Variants in FLT3 observed in about 807,000 individuals in gnomAD.
The protein encoded by FLT3 is receptor-type tyrosine-protein kinase FLT3.
A neutral mutation model predicts 126.6 loss-of-function variants in FLT3; 46 were observed. The observed-to-expected ratio is 0.36, with a 90% CI of 0.29 to 0.46. The LOEUF is 0.46. Ranked by LOEUF, FLT3 falls within the 20% of genes least tolerant of loss-of-function variation. FLT3 has a pLI of 1.00. For missense variants in FLT3, 1,069 were observed against 1,190.3 expected, an observed-to-expected ratio of 0.90 and a Z score of 1.50; for synonymous variants, 404 against 434.4, an observed-to-expected ratio of 0.93 and a Z score of 0.87.
chr13:28,060,918 A>G (rs974013450), intron 3 of FLT3, among the ~76,000 whole-genome samples: 10 of 151,866 alleles, frequency 6.6e-5, no homozygotes, highest in South Asian at 2.1e-4. Flanking sequence ...TTTACTTTTT[A>G]GAGAGTTTTA....
Position 28,070,669 on chromosome 13 carries a change from A to G in FLT3, c.44-57T>C, listed in dbSNP as rs138426807. 1,245 of 1,364,838 alleles carry G rather than the reference A, an allele frequency of 9.1e-4. 10 individuals carry two copies. In the African/African-American group the frequency reaches 0.016, roughly 18 times the overall value. The allele number at this position is 1,364,838 out of a possible 1,614,324, so 84.5% of individuals were successfully genotyped here. On this transcript the variant is annotated intron_variant, in intron 1 of 23. Coordinates refer to ENST00000241453, the MANE Select transcript of FLT3 (RefSeq NM_004119.3). ...TACATGCACACCTTAAAAAGAAAAC[A>G]TGCATTTATCTTGCAACCAAACAAC...
chr13:28,077,097 A>AAGAAAG (rs34410286), intron 1 of FLT3, among the ~76,000 whole-genome samples: 28 of 150,182 alleles, frequency 1.9e-4, no homozygotes, highest in African/African-American at 5.4e-4. Flanking sequence ...GAAAAAGAGA[A>AAGAAAG]AAAGAAAGAG....
At chr13:28,008,275 C>CAA (rs11409962) in intron 23 of FLT3, among the ~76,000 whole-genome samples, 8,548 of 84,314 alleles carry the variant, frequency 0.1, 448 homozygotes, top group Non-Finnish European at 0.13. Flanking sequence ...GAACCTGTCT[C>CAA]AAAAAAAAAA....
At chr13:28,063,585 G>GCATGCAAA (rs1265575140) in intron 2 of FLT3, among the ~76,000 whole-genome samples, 1 of 152,186 alleles carries the variant, frequency 6.6e-6, no homozygotes, top group Non-Finnish European at 1.5e-5. Flanking sequence ...GCTGAACACA[G>GCATGCAAA]CATGCACACA....
chr13:28,085,140 C>G (rs549472703), intron 1 of FLT3, among the ~76,000 whole-genome samples: 2 of 151,472 alleles, frequency 1.3e-5, no homozygotes, highest in East Asian at 3.9e-4. Flanking sequence ...GAAAGGAGTT[C>G]AAGACCAGCC....
At chr13:28,034,043 AG>A (rs1873601993) in intron 14 of FLT3, 38 bp downstream of exon 14, 1 of 1,613,354 alleles carries the variant, frequency 6.2e-7, no homozygotes, top group African/African-American at 1.3e-5. Context: ...CCAATGGAAA[AG>A]AAATGCTGCA....
chr13:28,055,133 G>T (rs1230521115), intron 4 of FLT3, among the ~76,000 whole-genome samples: 1 of 152,018 alleles, frequency 6.6e-6, no homozygotes, highest in African/African-American at 2.4e-5. Flanking sequence ...CTTTTTTAAA[G>T]TCTAGCTTTG....
chr13:28,079,706 C>A (rs1337429901), intron 1 of FLT3, among the ~76,000 whole-genome samples: 1 of 152,086 alleles, frequency 6.6e-6, no homozygotes, highest in Non-Finnish European at 1.5e-5. Flanking sequence ...CTGATAAACC[C>A]ATCAGATCTT....
intron 4 of FLT3, among the ~76,000 whole-genome samples, chr13:28,056,868 A>G (rs1243579606): frequency 6.6e-6 from 1 of 152,232 alleles, no homozygotes; most frequent in Non-Finnish European, 1.5e-5. Flanking sequence ...GAAAGAACAG[A>G]CAAGATCATT....
intron 1 of FLT3, among the ~76,000 whole-genome samples, chr13:28,080,932 T>C (rs1878265319): frequency 1.3e-5 from 2 of 152,188 alleles, no homozygotes; most frequent in Admixed American, 6.5e-5. Context: ...CAAAAATAAA[T>C]TGACCATATA....
At chr13:28,081,109 G>T (rs1878273979) in intron 1 of FLT3, among the ~76,000 whole-genome samples, 1 of 151,960 alleles carries the variant, frequency 6.6e-6, no homozygotes, top group Non-Finnish European at 1.5e-5. Context: ...GGATATTCTA[G>T]TTCTCTTGCA....
intron 1 of FLT3, among the ~76,000 whole-genome samples, chr13:28,098,314 C>CAAAAAAA (rs55675449): frequency 1.2e-5 from 1 of 85,294 alleles, no homozygotes; most frequent in African/African-American, 3.9e-5. Context: ...GACTCCGTCT[C>CAAAAAAA]AAAAAAAAAA....
chr13:28,072,959 C>T (rs149436982), intron 1 of FLT3, among the ~76,000 whole-genome samples: 26,758 of 151,594 alleles, frequency 0.18, 2,424 homozygotes, highest in Middle Eastern at 0.26. Context: ...GAGCCAAGAT[C>T]GTGCCACTGC....
intron 1 of FLT3, among the ~76,000 whole-genome samples, chr13:28,096,921 C>T (rs1879490454): frequency 6.6e-6 from 1 of 152,090 alleles, no homozygotes; most frequent in Non-Finnish European, 1.5e-5. Flanking sequence ...ACTGCTTGTG[C>T]CTAGCAAGAA....
At chr13:28,031,422 G>A (rs552972839) in intron 15 of FLT3, among the ~76,000 whole-genome samples, 3 of 152,224 alleles carry the variant, frequency 2.0e-5, no homozygotes, top group East Asian at 3.9e-4. Flanking sequence ...TTGTGAAAGA[G>A]TGGGCAAAGG....
At chr13:28,008,016 A>T (rs1228509106) in intron 23 of FLT3, among the ~76,000 whole-genome samples, 1 of 150,410 alleles carries the variant, frequency 6.6e-6, no homozygotes, top group East Asian at 1.9e-4. Flanking sequence ...CTTCTTCTTT[A>T]TTGTTGTTTG....
intron 17 of FLT3, among the ~76,000 whole-genome samples, chr13:28,026,645 G>A (rs1872830419): frequency 6.6e-6 from 1 of 152,122 alleles, no homozygotes; most frequent in African/African-American, 2.4e-5. Flanking sequence ...ATCACGTGTC[G>A]ATCAATCCAT....
At chr13:28,063,315 C>A (rs937099228) in intron 2 of FLT3, among the ~76,000 whole-genome samples, 1 of 152,068 alleles carries the variant, frequency 6.6e-6, no homozygotes, top group Non-Finnish European at 1.5e-5. Context: ...CCCATCTCTA[C>A]TGAAAATACA....
chr13:28,092,915 CTTTTTT>C (rs780584936), intron 1 of FLT3, among the ~76,000 whole-genome samples: 1 of 89,828 alleles, frequency 1.1e-5, no homozygotes, highest in Admixed American at 1.3e-4. Flanking sequence ...CCAGAGACTA[CTTTTTT>C]TTTTTTTTTT....
Sources: allele counts gnomAD v4.1 joint callset (sites outside exome capture counted in the v4.1 genomes callset), GRCh38; gene constraint gnomAD v4.1.1; transcripts MANE v1.5; gene names NCBI Gene and HGNC (gene_info 2026-07-23, HGNC 2026-07-21).